The following UBAP1 variants were observed in gnomAD, a reference collection of about 807,000 sequenced individuals.
UBAP1 encodes the protein ubiquitin associated protein 1.
UBAP1 carries 5 observed loss-of-function variants against 39.0 expected under a neutral mutation model. The observed-to-expected ratio is 0.13, with a 90% CI of 0.07 to 0.27. UBAP1 has a LOEUF of 0.27. Ranked by LOEUF, UBAP1 falls within the 10% of genes least tolerant of loss-of-function variation. The probability of loss-of-function intolerance (pLI) is 1.00; values close to 1 mark genes in which losing one functional copy is unlikely to be tolerated. For missense variants in UBAP1, 490 were observed against 608.1 expected (o/e 0.81, Z 2.04); for synonymous variants, 211 against 225.1 (o/e 0.94, Z 0.56).
At chr9:34,218,486 A>G (rs1437292788) in intron 1 of UBAP1, among the ~76,000 whole-genome samples, 1 of 147,402 alleles carries the variant, frequency 6.8e-6, no homozygotes, top group African/African-American at 2.5e-5. Context: ...TAGAAATGAA[A>G]CACTAATTTT....
rs35251034 is a variant in UBAP1 at position 34,212,392 on chromosome 9, A to AACACACACACACACACAC, written c.-7-8499_-7-8482dup. Among the ~76,000 whole-genome samples, 858 of 142,252 alleles carry AACACACACACACACACAC rather than the reference A, an allele frequency of 6.0e-3. 9 individuals are homozygous for AACACACACACACACACAC. The highest frequency in any genetic ancestry group is 0.021 in the East Asian group (97 of 4,674). The allele number at this position is 142,252 out of a possible 152,430, so 93.3% of individuals were successfully genotyped here. On this transcript the variant is annotated intron_variant, in intron 1 of 6. Transcript: ENST00000297661. ...CATAGTGAGACCTCATTTCTATTAA[A>AACACACACACACACACAC]ACACACACACACACACACACACACA...
intron 1 of UBAP1, among the ~76,000 whole-genome samples, chr9:34,210,634 G>A (rs1382656842): frequency 1.3e-5 from 2 of 151,706 alleles, no homozygotes; most frequent in African/African-American, 4.8e-5. Context: ...CAGGAGGATT[G>A]CTTGAACCTG....
chr9:34,196,513 C>T (rs867655596), intron 1 of UBAP1, among the ~76,000 whole-genome samples: 9 of 151,890 alleles, frequency 5.9e-5, no homozygotes, highest in African/African-American at 2.4e-5. Flanking sequence ...GATGGGGTTT[C>T]GCTGTGTTGA....
At chr9:34,185,463 C>A (rs1182900021) in intron 1 of UBAP1, among the ~76,000 whole-genome samples, 1 of 152,134 alleles carries the variant, frequency 6.6e-6, no homozygotes, top group Non-Finnish European at 1.5e-5. Flanking sequence ...GTAGGAGGAT[C>A]ACCTGAGCTC....
intron 1 of UBAP1, among the ~76,000 whole-genome samples, chr9:34,185,845 CAAAAA>C (rs1276699490): frequency 6.6e-6 from 1 of 151,900 alleles, no homozygotes; most frequent in African/African-American, 2.4e-5. Flanking sequence ...ATCTCTGTCT[CAAAAA>C]AAGAAAAACA....
chr9:34,224,247 C>A, intron 2 of UBAP1: 1 of 484,606 alleles, frequency 2.1e-6, no homozygotes, highest in Non-Finnish European at 3.8e-6. Flanking sequence ...TTCTTGTGGC[C>A]CAGGGGTAGC....
At chr9:34,182,616 CTTCT>C (rs61297759) in intron 1 of UBAP1, among the ~76,000 whole-genome samples, 6,307 of 110,350 alleles carry the variant, frequency 0.057, 260 homozygotes, top group African/African-American at 0.1. Context: ...TCTTTCTTTC[CTTCT>C]TTCTTTCTTT....
At chr9:34,228,824 A>G (rs945645627) in intron 2 of UBAP1, among the ~76,000 whole-genome samples, 18 of 149,892 alleles carry the variant, frequency 1.2e-4, no homozygotes, top group Admixed American at 1.0e-3. Flanking sequence ...TGAGTGATCT[A>G]TCCGCCTTGG....
intron 1 of UBAP1, among the ~76,000 whole-genome samples, chr9:34,179,452 AG>A (rs1829893272): frequency 6.6e-6 from 1 of 151,712 alleles, no homozygotes; most frequent in Non-Finnish European, 1.5e-5. Context: ...GAAGGGGCGG[AG>A]GGGAAGTGGG....
intron 1 of UBAP1, among the ~76,000 whole-genome samples, chr9:34,200,270 T>C (rs924459159): frequency 6.6e-6 from 1 of 152,230 alleles, no homozygotes; most frequent in Non-Finnish European, 1.5e-5. Flanking sequence ...TGATTTATTT[T>C]GTTGCTCAAG....
chr9:34,246,536 T>C (rs1834186479), intron 4 of UBAP1, among the ~76,000 whole-genome samples: 2 of 152,262 alleles, frequency 1.3e-5, no homozygotes, highest in Non-Finnish European at 2.9e-5. Flanking sequence ...CCTGGGGATT[T>C]AGAAATGGGC....
At chr9:34,221,687 A>G (rs1034689128) in intron 2 of UBAP1, among the ~76,000 whole-genome samples, 3 of 152,138 alleles carry the variant, frequency 2.0e-5, no homozygotes, top group Admixed American at 2.0e-4. Context: ...GTAATTTACT[A>G]CAAATCAATC....
At chr9:34,229,951 A>G (rs1189464149) in intron 2 of UBAP1, among the ~76,000 whole-genome samples, 7 of 151,994 alleles carry the variant, frequency 4.6e-5, no homozygotes, top group Non-Finnish European at 8.8e-5. Flanking sequence ...TTGGGATTAC[A>G]GGCGTGAGCC....
intron 1 of UBAP1, among the ~76,000 whole-genome samples, chr9:34,188,352 C>T (rs779210624): frequency 8.7e-5 from 13 of 150,190 alleles, no homozygotes; most frequent in Non-Finnish European, 4.4e-5. Flanking sequence ...TTTTAGTTAC[C>T]ATCAGATTTG....
rs56166258 is a variant in UBAP1, at chr9:34,216,941, G to A, written c.-7-3967G>A. 8.6e-3 allele frequency among the ~76,000 whole-genome samples: 1,305 copies of A among 152,076 alleles called. 8 individuals are homozygous for A. The highest frequency in any genetic ancestry group is 0.013 in the Non-Finnish European group (906 of 67,996). On this transcript the variant is annotated intron_variant, in intron 1 of 6. Transcript: ENST00000297661. ...ACTGTAGTCACCTTACTGTACAATA[G>A]AATACCAGAACTTATTCTTCCTATG...
At chr9:34,184,556 G>A (rs183542991) in intron 1 of UBAP1, among the ~76,000 whole-genome samples, 3,297 of 147,964 alleles carry the variant, frequency 0.022, 66 homozygotes, top group Non-Finnish European at 0.035. Context: ...GCGTGAACCC[G>A]GGAGGTGGAG....
intron 1 of UBAP1, among the ~76,000 whole-genome samples, chr9:34,204,005 TATG>T (rs1326711529): frequency 6.6e-6 from 1 of 152,230 alleles, no homozygotes; most frequent in African/African-American, 2.4e-5. Context: ...TAGCTTCTAG[TATG>T]ATAACTTTTT....
intron 1 of UBAP1, among the ~76,000 whole-genome samples, chr9:34,207,743 T>C (rs1021379041): frequency 6.6e-6 from 1 of 152,016 alleles, no homozygotes; most frequent in African/African-American, 2.4e-5. Flanking sequence ...TTCTCTTGTT[T>C]CAGCACATTA....
intron 2 of UBAP1, chr9:34,224,113 G>T (rs1832912133): frequency 4.0e-6 from 3 of 743,716 alleles, no homozygotes; most frequent in African/African-American, 1.8e-5. Flanking sequence ...TGCCCTGCTG[G>T]AACTGCTCCT....
Sources: gnomAD v4.1 joint callset for allele counts (sites outside exome capture counted in the v4.1 genomes callset) on GRCh38, gnomAD v4.1.1 for gene constraint, MANE v1.5 for transcripts, NCBI Gene and HGNC (gene_info 2026-07-23, HGNC 2026-07-21) for gene names.